UBR1: variants seen among roughly 807,000 people sequenced by gnomAD.
UBR1 encodes ubiquitin protein ligase E3 component n-recognin 1, also known as E3 ubiquitin-protein ligase UBR1.
Under a neutral mutation model 242.1 loss-of-function variants are expected in UBR1, and 102 were observed. The observed-to-expected ratio is 0.42, with a 90% confidence interval of 0.36 to 0.50. The LOEUF is 0.50. Among genes scored for constraint, UBR1 ranks in the 20% least tolerant of loss-of-function variants. UBR1 has a pLI of 0.01. For synonymous variants in UBR1, 675 were observed against 684.8 expected, an observed-to-expected ratio of 0.99 and a Z score of 0.22; for missense variants, 1,772 against 2,101.8, an observed-to-expected ratio of 0.84 and a Z score of 3.07.
chr15:43,025,991 G>A (rs532895909), intron 23 of UBR1: 1 of 157,364 alleles, frequency 6.4e-6, no homozygotes, highest in South Asian at 1.9e-4. Flanking sequence ...AGGACGTTGG[G>A]AGGCCGAGGT....
At chr15:42,973,788 T>C (rs1450265905) in intron 39 of UBR1, among the ~76,000 whole-genome samples, 1 of 152,014 alleles carries the variant, frequency 6.6e-6, no homozygotes, top group African/African-American at 2.4e-5. Context: ...GTCCAGCCTA[T>C]CAATTATTTC....
At chr15:43,071,375 T>A (rs2033822899) in intron 4 of UBR1, among the ~76,000 whole-genome samples, 1 of 152,178 alleles carries the variant, frequency 6.6e-6, no homozygotes, top group Non-Finnish European at 1.5e-5. Context: ...ACAAATACTA[T>A]ATGATTCTGC....
intron 42 of UBR1, among the ~76,000 whole-genome samples, chr15:42,961,529 T>G (rs1209506282): frequency 6.6e-6 from 1 of 151,874 alleles, no homozygotes; most frequent in Non-Finnish European, 1.5e-5. Context: ...GTTCAAGTGA[T>G]TCTGATGCCT....
intron 1 of UBR1, among the ~76,000 whole-genome samples, chr15:43,100,832 C>CA (rs963066544): frequency 1.1e-4 from 17 of 151,034 alleles, no homozygotes; most frequent in African/African-American, 4.1e-4. Context: ...GACTCCGTCT[C>CA]AAAAAAAAAG....
intron 21 of UBR1, among the ~76,000 whole-genome samples, chr15:43,028,230 T>C (rs972339359): frequency 1.3e-5 from 2 of 152,206 alleles, no homozygotes; most frequent in African/African-American, 2.4e-5. Flanking sequence ...ACAAAATTAA[T>C]GAGCTCCAAC....
intron 40 of UBR1, among the ~76,000 whole-genome samples, chr15:42,969,214 C>G (rs2032162193): frequency 6.6e-6 from 1 of 152,218 alleles, no homozygotes; most frequent in Non-Finnish European, 1.5e-5. Flanking sequence ...GCCATTCTAA[C>G]TGGCATGAAA....
chr15:43,065,425 C>T (rs1210318340), intron 6 of UBR1, among the ~76,000 whole-genome samples: 1 of 152,024 alleles, frequency 6.6e-6, no homozygotes, highest in Non-Finnish European at 1.5e-5. Flanking sequence ...TAAACGTGTG[C>T]CATGGTGGTC....
At position 43,067,801 on chromosome 15, in the gene UBR1, T is replaced by C; in HGVS notation, c.798+97A>G. 4 of 1,466,024 alleles carry C rather than the reference T, an allele frequency of 2.7e-6. No individual in the cohort carries two copies. In the South Asian group the frequency reaches 4.8e-5, roughly 17 times the overall value. The allele number at this position is 1,466,024 out of a possible 1,614,324, so 90.8% of individuals were successfully genotyped here. A position where few individuals can be genotyped will look rare whatever the true frequency, so the allele number is the denominator to read the frequency against. Reference sequence around the variant, plus strand: ...TGTAAGGAATAAATGGAGAGGATGGTCAGACCTAGCACAATACTGAGCAAG... The same window carrying C: ...TGTAAGGAATAAATGGAGAGGATGGCCAGACCTAGCACAATACTGAGCAAG... On this transcript the variant is annotated intron_variant, in intron 6 of 46. Transcript: ENST00000290650.
chr15:43,057,299 G>C (rs545295679), intron 10 of UBR1, among the ~76,000 whole-genome samples: 82 of 152,246 alleles, frequency 5.4e-4, no homozygotes, highest in Non-Finnish European at 1.1e-3. Flanking sequence ...TAAAATCCAG[G>C]TAATGCAGGT....
At chr15:42,963,863 T>G in intron 42 of UBR1, 72 bp downstream of exon 42, 1 of 1,217,510 alleles carries the variant, frequency 8.2e-7, no homozygotes, top group South Asian at 1.3e-5. Context: ...ACTAAAAGCT[T>G]AGCAAGTAAT....
chr15:43,046,145 T>C (rs1473638323), intron 14 of UBR1, among the ~76,000 whole-genome samples: 1 of 152,184 alleles, frequency 6.6e-6, no homozygotes, highest in East Asian at 1.9e-4. Context: ...AGATGAAACC[T>C]TTGCCTCATC....
rs1190879277 is a variant in UBR1 at position 42,943,920 on chromosome 15, T to C, written c.*1409A>G. 1 of 152,408 alleles carries C rather than the reference T, an allele frequency of 6.6e-6. No homozygotes were observed. The highest frequency in any genetic ancestry group is 1.5e-5 in the Non-Finnish European group (1 of 68,020). 9.4% of individuals were successfully genotyped at this position (152,408 alleles called of 1,614,324 possible). On this transcript the variant is annotated 3_prime_UTR_variant, in exon 47 of 47. Transcript: ENST00000290650. ...CTCATGCCAATCCCTTACTGCAAAA[T>C]CCACTTTTCTTTACATAAAAGTACC...
At chr15:43,040,923 C>T (rs1453966018) in intron 15 of UBR1, among the ~76,000 whole-genome samples, 2 of 152,086 alleles carry the variant, frequency 1.3e-5, no homozygotes, top group Non-Finnish European at 2.9e-5. Flanking sequence ...GAATGGCGAT[C>T]ATTAAAAAGT....
chr15:43,025,241 G>T, intron 24 of UBR1, 140 bp downstream of exon 24: 1 of 888,378 alleles, frequency 1.1e-6, no homozygotes, highest in South Asian at 1.6e-5. Flanking sequence ...CTTAATATGT[G>T]AATAAGAAGC....
At chr15:42,993,780 G>A (rs2032592386) in intron 33 of UBR1, among the ~76,000 whole-genome samples, 1 of 151,918 alleles carries the variant, frequency 6.6e-6, no homozygotes, top group South Asian at 2.1e-4. Context: ...GGTGGTTGCA[G>A]TGAGCTAAAA....
At chr15:43,079,128 G>A (rs1196758728) in intron 3 of UBR1, among the ~76,000 whole-genome samples, 2 of 151,890 alleles carry the variant, frequency 1.3e-5, no homozygotes, top group Non-Finnish European at 2.9e-5. Flanking sequence ...CACTATAACT[G>A]GAGTCACCGA....
chr15:42,998,345 G>T, intron 32 of UBR1, 80 bp from the exon 33 acceptor site: 1 of 1,276,250 alleles, frequency 7.8e-7, no homozygotes. Flanking sequence ...TATTTCCTTG[G>T]ATAAATGGTC....
intron 15 of UBR1, among the ~76,000 whole-genome samples, chr15:43,038,500 A>T (rs1356298561): frequency 1.3e-5 from 2 of 152,156 alleles, no homozygotes; most frequent in East Asian, 3.9e-4. Context: ...AGGCTGAGGC[A>T]GGAGAATCGC....
chr15:43,058,494 T>C, intron 9 of UBR1, 65 bp from the exon 10 acceptor site: 1 of 1,122,770 alleles, frequency 8.9e-7, no homozygotes, highest in Non-Finnish European at 1.3e-6. Context: ...CCAAAAACAT[T>C]CTGGCTATTA....
Sources: gnomAD v4.1 joint callset for allele counts (sites outside exome capture counted in the v4.1 genomes callset) on GRCh38, gnomAD v4.1.1 for gene constraint, MANE v1.5 for transcripts, NCBI Gene and HGNC (gene_info 2026-07-23, HGNC 2026-07-21) for gene names.